SESN2: variants seen among roughly 807,000 people sequenced by gnomAD.
SESN2 encodes sestrin-2.
In SESN2, 42 loss-of-function variants were observed where a neutral mutation model predicts 56.0. The observed-to-expected ratio is 0.75, with a 90% confidence interval of 0.59 to 0.97. The LOEUF is 0.97. Among genes scored for constraint, SESN2 ranks in the 50% least tolerant of loss-of-function variants. The pLI, the probability that SESN2 is intolerant of heterozygous loss-of-function variation, is 0.00. For synonymous variants in SESN2, 264 were observed against 267.1 expected, an observed-to-expected ratio of 0.99 and a Z score of 0.11; for missense variants, 507 against 649.4, an observed-to-expected ratio of 0.78 and a Z score of 2.38.
intron 8 of SESN2, 135 bp downstream of exon 8, chr1:28,275,150 G>A (rs368013205): frequency 1.6e-6 from 1 of 609,366 alleles, no homozygotes. Context: ...AGCAAATTGT[G>A]ATTTTAAAAG....
At chr1:28,261,196 C>A (rs1273565175) in intron 1 of SESN2, among the ~76,000 whole-genome samples, 1 of 152,136 alleles carries the variant, frequency 6.6e-6, no homozygotes, top group African/African-American at 2.4e-5. Context: ...CTACCTCCGT[C>A]GGTGTATAGT....
chr1:28,260,760 G>C (rs517085), intron 1 of SESN2, among the ~76,000 whole-genome samples: 53,794 of 146,700 alleles, frequency 0.37, 10,680 homozygotes, highest in African/African-American at 0.54. Flanking sequence ...CAGGGAGACC[G>C]GGAATTAGGC....
intron 1 of SESN2, among the ~76,000 whole-genome samples, chr1:28,264,815 T>C (rs1647502555): frequency 6.6e-6 from 1 of 152,214 alleles, no homozygotes; most frequent in Admixed American, 6.5e-5. Context: ...TGGACTGTGC[T>C]ATGCTAGGCA....
chr1:28,269,440 G>A (rs180868949), intron 2 of SESN2, among the ~76,000 whole-genome samples, 192 bp downstream of exon 2: 1 of 152,194 alleles, frequency 6.6e-6, no homozygotes, highest in East Asian at 1.9e-4. Context: ...GGAAGAAACA[G>A]GCTCAAAGAA....
chr1:28,271,936 T>G, intron 3 of SESN2, 65 bp downstream of exon 3: 4 of 1,466,594 alleles, frequency 2.7e-6, no homozygotes, highest in South Asian at 1.1e-5. Context: ...CTTTGATCTC[T>G]TTTCTGGGAG....
chr1:28,259,875 G>T lies in SESN2; in HGVS notation c.28G>T (p.Ala10Ser), dbSNP rs1248645690. ...GATCGTGGCGGACTCCGAGTGCCGCGCAGAGCTCAAGGACTACCTGCGGTT... is the reference window on the plus strand; with the variant it reads ...GATCGTGGCGGACTCCGAGTGCCGCTCAGAGCTCAAGGACTACCTGCGGTT... MIVADSECR[A>S]ELKDYLRFAP... Residue 10 changes from alanine (A) to serine (S), a missense_variant, in exon 1 of 10, where the codon GCA (alanine) becomes TCA (serine). Physicochemically the swap from Ala to Ser is moderately conservative, Grantham distance 99 (BLOSUM62 1). Transcript: ENST00000253063. 8 of 1,418,982 alleles carry T rather than the reference G, an allele frequency of 5.6e-6. No homozygotes were observed. The highest frequency in any genetic ancestry group is 1.5e-5 in the African/African-American group (1 of 66,204). The allele number at this position is 1,418,982 out of a possible 1,614,324, so 87.9% of individuals were successfully genotyped here. A position where few individuals can be genotyped will look rare whatever the true frequency, so the allele number is the denominator to read the frequency against.
At chr1:28,260,248 C>T (rs533872386) in intron 1 of SESN2, among the ~76,000 whole-genome samples, 2 of 152,020 alleles carry the variant, frequency 1.3e-5, no homozygotes, top group South Asian at 2.1e-4. Flanking sequence ...GAGGGAGAAG[C>T]CTTCTGGAGG....
rs1442419107 is a variant in SESN2, at chr1:28,259,603, C to T, written c.-245C>T. The T allele has an allele frequency of 9.5e-6, 4 of 421,004 alleles. No homozygotes were observed. Among genetic ancestry groups the T allele is most frequent in the African/African-American group, 4.1e-5 (2 of 48,406 alleles). 26.1% of individuals were successfully genotyped at this position (421,004 alleles called of 1,614,324 possible). A position where few individuals can be genotyped will look rare whatever the true frequency, so the allele number is the denominator to read the frequency against. On this transcript the variant is annotated 5_prime_UTR_variant, in exon 1 of 10. Transcript: ENST00000253063. Reference sequence around the variant, plus strand: ...TGCGGACTTCCGAGGCCGTGAAAACCCCTGCGCTGCGGCCCTTCCCAGGCC... The same window carrying T: ...TGCGGACTTCCGAGGCCGTGAAAACTCCTGCGCTGCGGCCCTTCCCAGGCC...
At chr1:28,271,284 A>G (rs867561829) in intron 2 of SESN2, among the ~76,000 whole-genome samples, 3 of 152,194 alleles carry the variant, frequency 2.0e-5, no homozygotes, top group Non-Finnish European at 4.4e-5. Flanking sequence ...CCATGGTTAT[A>G]TGCATTTGCA....
Position 28,259,930 on chromosome 1 carries a change from C to A in SESN2, c.83C>A (p.Pro28His). The A allele has an allele frequency of 6.7e-7, 1 of 1,495,704 alleles. No homozygotes were observed. Among genetic ancestry groups the A allele is most frequent in the South Asian group, 1.2e-5 (1 of 80,698 alleles). The allele number at this position is 1,495,704 out of a possible 1,614,324, so 92.7% of individuals were successfully genotyped here. A position where few individuals can be genotyped will look rare whatever the true frequency, so the allele number is the denominator to read the frequency against. ...CCGGGCGGCGTCGGCGACTCGGGCCCCGGAGAGGTAAGCGGCGGCCGCGCG... is the reference window on the plus strand; with the variant it reads ...CCGGGCGGCGTCGGCGACTCGGGCCACGGAGAGGTAAGCGGCGGCCGCGCG... ...FAPGGVGDSG[P>H]GEEQRESRAR... The change falls in exon 1 of 10, where the codon CCC becomes CAC. Residue 28 changes from proline (P) to histidine (H), a missense_variant. Pro to His is a moderately conservative substitution (Grantham distance 77, BLOSUM62 -2). Transcript: ENST00000253063.
rs898333127 is a variant in SESN2, at chr1:28,260,027, G to A, written c.90+90G>A. 7.0e-6 allele frequency: 7 copies of A among 996,698 alleles called. No homozygotes were observed. The Middle Eastern group carries it at 9.9e-4, about 141-fold the overall frequency. The allele number at this position is 996,698 out of a possible 1,614,324, so 61.7% of individuals were successfully genotyped here. A position where few individuals can be genotyped will look rare whatever the true frequency, so the allele number is the denominator to read the frequency against. On this transcript the variant is annotated intron_variant, in intron 1 of 9. Coordinates refer to ENST00000253063, the MANE Select transcript of SESN2 (RefSeq NM_031459.5). The stretch of plus-strand genomic sequence containing the variant: ...GTCCGGAGCTGAGTCGGTGTGTCCT[G>A]GGCTCGGGGAGGGAAAGCCGAGCGC...
At chr1:28,266,878 ATTGTTG>A (rs573511235) in intron 1 of SESN2, among the ~76,000 whole-genome samples, 1 of 151,974 alleles carries the variant, frequency 6.6e-6, no homozygotes. Flanking sequence ...TGCATTGTAT[ATTGTTG>A]TTGTTGTTGT....
chr1:28,260,403 C>T (rs562690635), intron 1 of SESN2, among the ~76,000 whole-genome samples: 2 of 152,222 alleles, frequency 1.3e-5, no homozygotes, highest in Admixed American at 1.3e-4. Flanking sequence ...TCCTGGGGTG[C>T]CTCCCGGCTC....
intron 8 of SESN2, among the ~76,000 whole-genome samples, chr1:28,277,739 G>A (rs1230738800): frequency 6.6e-6 from 1 of 152,104 alleles, no homozygotes; most frequent in African/African-American, 2.4e-5. Flanking sequence ...CGTGCTCCTT[G>A]TAGAAAGTTT....
At chr1:28,275,595 T>C (rs1171980149) in intron 8 of SESN2, among the ~76,000 whole-genome samples, 4 of 148,216 alleles carry the variant, frequency 2.7e-5, no homozygotes, top group African/African-American at 1.0e-4. Context: ...CTACTAAAAA[T>C]AAAAAAATTA....
intron 1 of SESN2, 106 bp from the exon 2 acceptor site, chr1:28,269,077 T>G (rs1430890654): frequency 1.4e-6 from 1 of 719,656 alleles, no homozygotes; most frequent in Non-Finnish European, 2.3e-6. Context: ...AAAGGTGGGT[T>G]TAACACTTCA....
At chr1:28,260,069 G>A in intron 1 of SESN2, 132 bp downstream of exon 1, 1 of 628,676 alleles carries the variant, frequency 1.6e-6, no homozygotes, top group Non-Finnish European at 2.5e-6. Flanking sequence ...CGGGACCCGG[G>A]TTGCATCAAC....
chr1:28,269,240 G>T lies in SESN2; in HGVS notation c.148G>T (p.Val50Leu). Residue 50 changes from valine (V) to leucine (L), a missense_variant, in exon 2 of 10, where the codon GTG (valine) becomes TTG (leucine). Physicochemically the swap from Val to Leu is conservative, Grantham distance 32 (BLOSUM62 1). Transcript: ENST00000253063. ...GPRGPSAFIPVEEVLREGAES... is the reference protein window; with the variant it reads ...GPRGPSAFIPLEEVLREGAES... ...TCGAGGGCCCAGCGCCTTCATCCCC[G>T]TGGAGGAGGTAAGCTTGGAAGGGGT... 6.2e-7 allele frequency: 1 copy of T among 1,611,224 alleles called. No homozygotes were observed. The highest frequency in any genetic ancestry group is 8.5e-7 in the Non-Finnish European group (1 of 1,178,478).
intron 1 of SESN2, among the ~76,000 whole-genome samples, chr1:28,265,900 TCTC>T (rs1246647609): frequency 6.6e-6 from 1 of 152,090 alleles, no homozygotes; most frequent in Non-Finnish European, 1.5e-5. Context: ...CTCAATGGCT[TCTC>T]CTGTCTACTT....
Sources: gnomAD v4.1 joint callset for allele counts (sites outside exome capture counted in the v4.1 genomes callset) on GRCh38, gnomAD v4.1.1 for gene constraint, MANE v1.5 for transcripts, NCBI Gene and HGNC (gene_info 2026-07-23, HGNC 2026-07-21) for gene names.